CACNA2D4: variants seen among roughly 807,000 people sequenced by gnomAD.
CACNA2D4 encodes the protein voltage-dependent calcium channel subunit alpha-2/delta-4.
CACNA2D4 carries 157 observed loss-of-function variants against 163.8 expected under a neutral mutation model. The observed-to-expected ratio is 0.96, with a 90% CI of 0.84 to 1.09. The LOEUF (loss-of-function observed/expected upper bound fraction) is 1.09, where lower values mean the gene tolerates loss of function less well. Among genes scored for constraint, CACNA2D4 ranks in the 50% least tolerant of loss-of-function variants. The pLI is 0.00. For synonymous variants in CACNA2D4, 598 were observed against 586.9 expected, an observed-to-expected ratio of 1.02 and a Z score of -0.27; for missense variants, 1,410 against 1,479.9, an observed-to-expected ratio of 0.95 and a Z score of 0.78.
In CACNA2D4 at chr12:1,828,142, C is replaced by A; in HGVS notation, c.2551+12597G>T. The A allele has an allele frequency of 2.0e-6, 3 of 1,537,572 alleles. No homozygotes were observed. Among genetic ancestry groups the A allele is most frequent in the Non-Finnish European group, 2.6e-6 (3 of 1,140,792 alleles). On this transcript the variant is annotated intron_variant, in intron 26 of 37. Transcript: ENST00000382722. This position sits in a 1 kb window ranked among gnomAD's most constrained non-coding sequence, Gnocchi z 4.2. ...GCGACAGGGCCCGGAGAGCCGTGGG[C>A]CTCACCATGCTGGCGCCGGGCAGCA...
chr12:1,900,820 A>G (rs1337238556), intron 6 of CACNA2D4, among the ~76,000 whole-genome samples: 3 of 152,188 alleles, frequency 2.0e-5, no homozygotes, highest in East Asian at 1.9e-4. Flanking sequence ...ACAAAGAAAC[A>G]TCATACTTAA....
chr12:1,834,500 A>G lies in CACNA2D4; in HGVS notation c.2551+6239T>C, dbSNP rs1864766156. ...CAGCACAGCCTGCCCACAGAAGCAG[A>G]GGCACCGGCCGGCGAGCGTGAGGCG... is the stretch of plus-strand genomic sequence containing the variant. On this transcript the variant is annotated intron_variant, in intron 26 of 37. Coordinates refer to ENST00000382722, the MANE Select transcript of CACNA2D4 (RefSeq NM_172364.5). This position sits in a 1 kb window ranked among gnomAD's most constrained non-coding sequence, Gnocchi z 7.6. 6.2e-7 allele frequency: 1 copy of G among 1,608,250 alleles called. No homozygotes were observed.
intron 6 of CACNA2D4, among the ~76,000 whole-genome samples, chr12:1,895,608 T>G (rs188640273): frequency 1.3e-5 from 2 of 152,206 alleles, no homozygotes; most frequent in African/African-American, 2.4e-5. Flanking sequence ...TAGAGCCAGC[T>G]AATTTTCTTT....
intron 6 of CACNA2D4, among the ~76,000 whole-genome samples, chr12:1,890,134 C>G (rs1338352838): frequency 4.6e-5 from 7 of 152,164 alleles, no homozygotes; most frequent in Admixed American, 3.9e-4. Flanking sequence ...ATCCTAGCCG[C>G]AGGAGAGCCT....
At position 1,828,374 on chromosome 12, in the gene CACNA2D4, G is replaced by T. The variant is rs1004933825; in HGVS notation, c.2551+12365C>A. On this transcript the variant is annotated intron_variant, in intron 26 of 37. Coordinates refer to ENST00000382722, the MANE Select transcript of CACNA2D4 (RefSeq NM_172364.5). The surrounding 1 kb of genome is among the most constrained non-coding windows in gnomAD (Gnocchi z 4.2). ...CGAGGCTATGTTCTGGGAAGCCAGG[G>T]TCACGCCCACGGTGACAGCATCCCT... Among the ~76,000 whole-genome samples the T allele has an allele frequency of 6.6e-6, 1 of 152,230 alleles. No homozygotes were observed. The highest frequency in any genetic ancestry group is 1.5e-5 in the Non-Finnish European group (1 of 68,030).
At chr12:1,795,913 CG>C (rs1171047822) in intron 35 of CACNA2D4, 133 bp from the exon 36 acceptor site, 2 of 683,580 alleles carry the variant, frequency 2.9e-6, no homozygotes, top group African/African-American at 1.8e-5. Context: ...CAGGGCGGGT[CG>C]GGGCAGCTAA....
chr12:1,797,300 T>G, intron 35 of CACNA2D4, 118 bp downstream of exon 35: 1 of 758,892 alleles, frequency 1.3e-6, no homozygotes, highest in East Asian at 2.7e-5. Context: ...CTTAGACGCA[T>G]CCCCTCCTCC....
chr12:1,916,126 C>T (rs886072123), intron 1 of CACNA2D4, among the ~76,000 whole-genome samples: 3 of 152,106 alleles, frequency 2.0e-5, no homozygotes, highest in African/African-American at 7.2e-5. Flanking sequence ...AGGAGTAAAA[C>T]GTGACTTCCG....
intron 6 of CACNA2D4, among the ~76,000 whole-genome samples, chr12:1,898,702 T>A (rs1371843570): frequency 1.3e-5 from 2 of 152,108 alleles, no homozygotes; most frequent in African/African-American, 4.8e-5. Flanking sequence ...TGTGTGTGTA[T>A]GTGTACATAT....
chr12:1,842,089 C>T (rs918114019), intron 25 of CACNA2D4, among the ~76,000 whole-genome samples: 4 of 152,158 alleles, frequency 2.6e-5, no homozygotes, highest in African/African-American at 7.2e-5. Context: ...TTGTAGGAAA[C>T]GCAGATGTGA....
chr12:1,898,821 G>A (rs1344289921), intron 6 of CACNA2D4, among the ~76,000 whole-genome samples: 1 of 152,082 alleles, frequency 6.6e-6, no homozygotes, highest in East Asian at 1.9e-4. Flanking sequence ...AGTGAAGGAA[G>A]CCCATCACAA....
At chr12:1,807,603 C>T (rs1173675369) in intron 29 of CACNA2D4, among the ~76,000 whole-genome samples, 1 of 152,122 alleles carries the variant, frequency 6.6e-6, no homozygotes, top group Non-Finnish European at 1.5e-5. Flanking sequence ...GTCTTCCACT[C>T]ATCTCCCAGT....
Position 1,799,317 on chromosome 12 carries a change from C to T in CACNA2D4, c.2995+358G>A, listed in dbSNP as rs150806460. On this transcript the variant is annotated intron_variant, in intron 34 of 37. Transcript: ENST00000382722. This position sits in a 1 kb window ranked among gnomAD's most constrained non-coding sequence, Gnocchi z 4.7. Reference sequence around the variant, plus strand: ...CTGGGGCCCCTGGAACCCGGAGTCCCGCTGAGGGCTGGGGTGCCGCTGTTT... The same window carrying T: ...CTGGGGCCCCTGGAACCCGGAGTCCTGCTGAGGGCTGGGGTGCCGCTGTTT... 6.6e-5 allele frequency among the ~76,000 whole-genome samples: 10 copies of T among 152,290 alleles called. No individual in the cohort carries two copies. The highest frequency in any genetic ancestry group is 7.4e-5 in the Non-Finnish European group (5 of 68,024).
chr12:1,870,883 G>A (rs1865755036), intron 18 of CACNA2D4, among the ~76,000 whole-genome samples: 1 of 152,082 alleles, frequency 6.6e-6, no homozygotes, highest in African/African-American at 2.4e-5. Flanking sequence ...CCTTCTGCCG[G>A]ACAAAAATGT....
chr12:1,909,712 C>T (rs1275388168), intron 4 of CACNA2D4, among the ~76,000 whole-genome samples, 194 bp downstream of exon 4: 1 of 152,256 alleles, frequency 6.6e-6, no homozygotes, highest in African/African-American at 2.4e-5. Flanking sequence ...GTTATTTGCA[C>T]TGTGAGCTTC....
chr12:1,911,021 ATT>A (rs374264665), intron 3 of CACNA2D4, among the ~76,000 whole-genome samples: 12,089 of 132,916 alleles, frequency 0.091, 461 homozygotes, highest in African/African-American at 0.11. Flanking sequence ...CCGCAATACA[ATT>A]TTTTTTTTTT....
intron 18 of CACNA2D4, among the ~76,000 whole-genome samples, chr12:1,862,794 C>T (rs1426574981): frequency 2.0e-5 from 3 of 152,194 alleles, no homozygotes; most frequent in African/African-American, 4.8e-5. Flanking sequence ...AGTGTCTGCT[C>T]AGTGCTCTGA....
chr12:1,879,997 C>A, intron 13 of CACNA2D4, 116 bp from the exon 14 acceptor site: 1 of 624,268 alleles, frequency 1.6e-6, no homozygotes, highest in South Asian at 1.9e-5. Context: ...TCCAGCGTCA[C>A]CTTCCCACAG....
At chr12:1,846,262 C>T (rs1479189256) in intron 24 of CACNA2D4, among the ~76,000 whole-genome samples, 2 of 152,164 alleles carry the variant, frequency 1.3e-5, no homozygotes, top group Non-Finnish European at 2.9e-5. Flanking sequence ...GTGGATTCTC[C>T]GACCAACCCT....
Sources: allele counts gnomAD v4.1 joint callset (sites outside exome capture counted in the v4.1 genomes callset), GRCh38; gene constraint gnomAD v4.1.1; non-coding constraint Gnocchi (gnomAD v3.1); transcripts MANE v1.5; gene names NCBI Gene and HGNC (gene_info 2026-07-23, HGNC 2026-07-21).